Variants in SOAT2 observed in about 807,000 individuals in gnomAD.
SOAT2 encodes the protein sterol O-acyltransferase 2.
A neutral mutation model predicts 76.0 loss-of-function variants in SOAT2; 87 were observed. The observed-to-expected ratio is 1.14, with a 90% confidence interval of 0.96 to 1.37. The LOEUF is 1.37. SOAT2 is among the 40% of genes most tolerant of loss of function. The probability of loss-of-function intolerance (pLI) is 0.00; values close to 1 mark genes in which losing one functional copy is unlikely to be tolerated. For missense variants in SOAT2, 686 were observed against 682.1 expected (o/e 1.01, Z -0.06); for synonymous variants, 285 against 275.4 (o/e 1.03, Z -0.34).
intron 12 of SOAT2, among the ~76,000 whole-genome samples, chr12:53,122,748 C>G (rs549037612): frequency 0.02 from 3,028 of 152,184 alleles, 39 homozygotes; most frequent in Non-Finnish European, 0.032. Context: ...ACACAGACAC[C>G]GCAACCATCC....
At chr12:53,119,091 C>G (rs1938148736) in intron 9 of SOAT2, 33 bp from the exon 10 acceptor site, 3 of 1,613,172 alleles carry the variant, frequency 1.9e-6, no homozygotes, top group Non-Finnish European at 2.5e-6. Flanking sequence ...GCCAGCATCC[C>G]TCTCCAGTTA....
chr12:53,111,966 A>G (rs1230801732), intron 5 of SOAT2, among the ~76,000 whole-genome samples: 1 of 152,212 alleles, frequency 6.6e-6, no homozygotes, highest in Non-Finnish European at 1.5e-5. Context: ...TGCCAATAGA[A>G]GTACATTTTA....
At chr12:53,120,517 T>C (rs1344543482) in intron 10 of SOAT2, among the ~76,000 whole-genome samples, 1 of 151,286 alleles carries the variant, frequency 6.6e-6, no homozygotes, top group Non-Finnish European at 1.5e-5. Context: ...CTCATGTCTG[T>C]AGTTCCAGTT....
chr12:53,115,350 G>A (rs767355064), intron 5 of SOAT2, 40 bp from the exon 6 acceptor site: 3 of 1,544,138 alleles, frequency 1.9e-6, no homozygotes, highest in South Asian at 2.5e-5. Context: ...ACAAGAATGG[G>A]CTTCACTTGT....
intron 13 of SOAT2, 115 bp downstream of exon 13, chr12:53,123,331 C>A: frequency 7.7e-7 from 1 of 1,306,420 alleles, no homozygotes; most frequent in Non-Finnish European, 1.1e-6. Context: ...GGAGGCAAGG[C>A]TGCTGAGACT....
intron 8 of SOAT2, 34 bp downstream of exon 8, chr12:53,118,468 G>A (rs776957035): frequency 1.3e-6 from 2 of 1,525,622 alleles, no homozygotes; most frequent in Admixed American, 3.3e-5. Context: ...AAATGCCCAG[G>A]CCCATCAGGA....
At chr12:53,115,957 A>G in intron 6 of SOAT2, 140 bp from the exon 7 acceptor site, 1 of 778,726 alleles carries the variant, frequency 1.3e-6, no homozygotes, top group Non-Finnish European at 2.2e-6. Flanking sequence ...CGGCCATCCA[A>G]CAAAAAGAAA....
chr12:53,118,517 G>T, intron 8 of SOAT2, 83 bp downstream of exon 8: 1 of 996,448 alleles, frequency 1.0e-6, no homozygotes, highest in South Asian at 1.3e-5. Context: ...AGGTCCTCAG[G>T]CTCACCTCAG....
intron 2 of SOAT2, 72 bp downstream of exon 2, chr12:53,104,278 G>A: frequency 1.1e-6 from 1 of 913,250 alleles, no homozygotes; most frequent in Non-Finnish European, 1.7e-6. Flanking sequence ...GAGGCTTGGT[G>A]ATAAAGATGA....
chr12:53,121,889 C>T (rs1938196161), intron 12 of SOAT2, among the ~76,000 whole-genome samples: 1 of 141,206 alleles, frequency 7.1e-6, no homozygotes, highest in African/African-American at 2.6e-5. Context: ...TCACCTGCAA[C>T]CTCTGCCTCC....
chr12:53,113,210 G>A (rs193011624), intron 5 of SOAT2, among the ~76,000 whole-genome samples: 7 of 152,276 alleles, frequency 4.6e-5, no homozygotes, highest in Non-Finnish European at 7.4e-5. Context: ...AAACCTGATT[G>A]CAACCAAAAT....
intron 7 of SOAT2, among the ~76,000 whole-genome samples, chr12:53,118,063 C>T (rs1474752847): frequency 6.6e-6 from 1 of 152,066 alleles, no homozygotes; most frequent in East Asian, 1.9e-4. Flanking sequence ...AATGGGTTGT[C>T]GAACGTGTGG....
At chr12:53,117,818 C>T (rs953494938) in intron 7 of SOAT2, among the ~76,000 whole-genome samples, 2 of 152,138 alleles carry the variant, frequency 1.3e-5, no homozygotes, top group Non-Finnish European at 2.9e-5. Flanking sequence ...GCTGTGTGCT[C>T]TATGCCTGTG....
At chr12:53,108,784 A>C (rs1344918050) in intron 5 of SOAT2, among the ~76,000 whole-genome samples, 1 of 152,260 alleles carries the variant, frequency 6.6e-6, no homozygotes. Flanking sequence ...ACCTGCATTC[A>C]AGAGCACCTG....
At chr12:53,120,482 A>T (rs1218810503) in intron 10 of SOAT2, among the ~76,000 whole-genome samples, 2 of 151,672 alleles carry the variant, frequency 1.3e-5, no homozygotes, top group Non-Finnish European at 2.9e-5. Context: ...TAATAATAAT[A>T]AAAAAAATTA....
chr12:53,103,505 C>T lies in SOAT2; in HGVS notation c.-73C>T. On this transcript the variant is annotated 5_prime_UTR_variant, in exon 1 of 15. Coordinates refer to ENST00000301466, the MANE Select transcript of SOAT2 (RefSeq NM_003578.4). ...TGAGCTGAGTGGGACAAGAGCTCTACAGGGCAGGCCACACTGCGAAGGAAG... is the reference window on the plus strand; with the variant it reads ...TGAGCTGAGTGGGACAAGAGCTCTATAGGGCAGGCCACACTGCGAAGGAAG... 1 of 1,356,606 alleles carries T rather than the reference C, an allele frequency of 7.4e-7. No individual in the cohort carries two copies. 84.0% of individuals were successfully genotyped at this position (1,356,606 alleles called of 1,614,324 possible).
In SOAT2 at chr12:53,118,371, G is replaced by T; in HGVS notation, c.800G>T (p.Ser267Ile). ...CCAGGTGAGGGGATCCAGGCCCCCAGTTTCTCCAGCTACCTCTACTTCCTC... is the reference window on the plus strand; with the variant it reads ...CCAGGTGAGGGGATCCAGGCCCCCATTTTCTCCAGCTACCTCTACTTCCTC... ...ARRGEGIQAP[S>I]FSSYLYFLFC... is the part of the protein sequence containing the mutation. Residue 267 changes from serine (S) to isoleucine (I), a missense_variant, in exon 8 of 15, where the codon AGT (serine) becomes ATT (isoleucine). By Grantham distance (142) the Ser-to-Ile change is moderately radical. Coordinates refer to ENST00000301466, the MANE Select transcript of SOAT2 (RefSeq NM_003578.4). The T allele has an allele frequency of 6.2e-7, 1 of 1,613,474 alleles. No individual in the cohort carries two copies. Among genetic ancestry groups the T allele is most frequent in the Non-Finnish European group, 8.5e-7 (1 of 1,179,768 alleles).
In SOAT2 at chr12:53,103,544, C is replaced by T. The variant is rs1937871093; in HGVS notation, c.-34C>T. ...CTGCGAAGGAAGGAGGCAACACGGG[C>T]AAGGGCTGCCTGCTGCCCGCTGGAG... is the stretch of plus-strand genomic sequence containing the variant. On this transcript the variant is annotated 5_prime_UTR_variant, in exon 1 of 15. Transcript: ENST00000301466. 1.3e-6 allele frequency: 2 copies of T among 1,536,382 alleles called. No homozygotes were observed. Among genetic ancestry groups the T allele is most frequent in the South Asian group, 1.2e-5 (1 of 83,884 alleles).
intron 5 of SOAT2, among the ~76,000 whole-genome samples, chr12:53,106,900 T>A (rs1225572397): frequency 1.3e-5 from 2 of 152,178 alleles, no homozygotes; most frequent in Non-Finnish European, 2.9e-5. Context: ...TACCCTTCTC[T>A]TATCTCCTGC....
Sources: allele counts gnomAD v4.1 joint callset (sites outside exome capture counted in the v4.1 genomes callset), GRCh38; gene constraint gnomAD v4.1.1; transcripts MANE v1.5; gene names NCBI Gene and HGNC (gene_info 2026-07-23, HGNC 2026-07-21).